Variants in TRPC1 observed in about 807,000 individuals in gnomAD.
TRPC1 encodes transient receptor potential cation channel subfamily C member 1, also known as short transient receptor potential channel 1.
In TRPC1, 42 loss-of-function variants were observed where a neutral mutation model predicts 88.2. The observed-to-expected ratio is 0.48, with a 90% CI of 0.37 to 0.62. The LOEUF (loss-of-function observed/expected upper bound fraction) is 0.62, where lower values mean the gene tolerates loss of function less well. TRPC1 is among the 20% of genes least tolerant of loss of function. The probability of loss-of-function intolerance (pLI) is 0.00; values close to 1 mark genes in which losing one functional copy is unlikely to be tolerated. For missense variants in TRPC1, 699 were observed against 957.3 expected (o/e 0.73, Z 3.56); for synonymous variants, 288 against 331.8 (o/e 0.87, Z 1.43).
intron 9 of TRPC1, among the ~76,000 whole-genome samples, chr3:142,795,201 A>T (rs1936415171): frequency 6.6e-6 from 1 of 152,066 alleles, no homozygotes; most frequent in Non-Finnish European, 1.5e-5. Flanking sequence ...AAATGAAAAG[A>T]GTATCTGTGA....
Position 142,804,514 on chromosome 3 carries a change from C to A in TRPC1, c.2038C>A (p.Pro680Thr). The change falls in exon 12 of 13, where the codon CCA (proline) becomes ACA (threonine). Residue 680 changes from proline to threonine, a missense_variant. Transcript: ENST00000476941. The part of the protein sequence containing the change: ...SYFDDKCTLP[P>T]PFNIIPSPKT... ...CTTTGATGACAAATGTACGTTACCT[C>A]CACCTTTCAACATCATTCCCTCACC... is the stretch of plus-strand genomic sequence containing the variant. 6.2e-7 allele frequency: 1 copy of A among 1,613,818 alleles called. No homozygotes were observed. Among genetic ancestry groups the A allele is most frequent in the Non-Finnish European group, 8.5e-7 (1 of 1,179,852 alleles).
intron 3 of TRPC1, among the ~76,000 whole-genome samples, chr3:142,745,314 A>G (rs1934503245): frequency 6.6e-6 from 1 of 152,106 alleles, no homozygotes; most frequent in South Asian, 2.1e-4. Flanking sequence ...GAGTACTGGA[A>G]CCATTGACTG....
At chr3:142,744,985 G>C (rs551395545) in intron 3 of TRPC1, among the ~76,000 whole-genome samples, 1 of 152,312 alleles carries the variant, frequency 6.6e-6, no homozygotes, top group Admixed American at 6.5e-5. Flanking sequence ...CCATGTTTGA[G>C]AAATGTGAGA....
intron 8 of TRPC1, 50 bp downstream of exon 8, chr3:142,791,208 AAT>A: frequency 1.3e-6 from 2 of 1,513,750 alleles, no homozygotes; most frequent in South Asian, 2.6e-5. Context: ...TTATTTTGGA[AAT>A]AGCTAAGATA....
At chr3:142,731,601 G>A (rs1933917062) in intron 1 of TRPC1, among the ~76,000 whole-genome samples, 1 of 151,482 alleles carries the variant, frequency 6.6e-6, no homozygotes, top group Non-Finnish European at 1.5e-5. Flanking sequence ...AGCCAAGATG[G>A]TCTCCATCTC....
intron 9 of TRPC1, among the ~76,000 whole-genome samples, chr3:142,799,030 T>C (rs1936531859): frequency 6.6e-6 from 1 of 152,130 alleles, no homozygotes; most frequent in Non-Finnish European, 1.5e-5. Context: ...ACCTAACACC[T>C]CAGTATTTTT....
At chr3:142,740,540 G>A (rs1236759247) in intron 2 of TRPC1, among the ~76,000 whole-genome samples, 1 of 152,134 alleles carries the variant, frequency 6.6e-6, no homozygotes, top group Non-Finnish European at 1.5e-5. Flanking sequence ...TCATTCTTAA[G>A]GAAACATCTA....
chr3:142,758,593 G>A (rs1348234196), intron 4 of TRPC1, among the ~76,000 whole-genome samples: 2 of 151,838 alleles, frequency 1.3e-5, no homozygotes, highest in Non-Finnish European at 2.9e-5. Context: ...TCTATGAGTT[G>A]GCTCTTTTGT....
In TRPC1 at chr3:142,724,648, A is replaced by T. The variant is rs1933591802; in HGVS notation, c.89A>T (p.Glu30Val). 6.2e-7 allele frequency: 1 copy of T among 1,612,504 alleles called. No homozygotes were observed. Among genetic ancestry groups the T allele is most frequent in the South Asian group, 1.1e-5 (1 of 91,026 alleles). ...TCTCCATCCTCTTCCTCGCCGAACGAGGTGATGGCGCTGAAGGATGTGCGG... is the reference window on the plus strand; with the variant it reads ...TCTCCATCCTCTTCCTCGCCGAACGTGGTGATGGCGCTGAAGGATGTGCGG... ...PSSPSSSSPNEVMALKDVREV... is the reference protein window; with the variant it reads ...PSSPSSSSPNVVMALKDVREV... The change falls in exon 1 of 13, where the codon GAG becomes GTG. Residue 30 changes from glutamate (E) to valine (V), a missense_variant. Glu to Val is a moderately radical substitution (Grantham distance 121). Around this residue, in one of 4 missense-constraint regions of TRPC1, gnomAD observed 157 missense variants for 127.0 expected, o/e 1.24. Transcript: ENST00000476941. The surrounding 1 kb of genome is among the most constrained non-coding windows in gnomAD (Gnocchi z 5.6).
At chr3:142,791,921 G>T (rs2108141670) in intron 8 of TRPC1, among the ~76,000 whole-genome samples, 1 of 152,112 alleles carries the variant, frequency 6.6e-6, no homozygotes, top group Admixed American at 6.6e-5. Context: ...AACAAATTGT[G>T]TGTTAACTAT....
At position 142,807,529 on chromosome 3, in the gene TRPC1, C is replaced by G. The variant is rs1936830302; in HGVS notation, c.*1294C>G. On this transcript the variant is annotated 3_prime_UTR_variant, in exon 13 of 13. Transcript: ENST00000476941. The stretch of plus-strand genomic sequence containing the variant: ...CTTACGCCACAGGGTGCAGGTAACC[C>G]TTGGTCTGTAAGCACCACCGATCCA... The G allele has an allele frequency of 6.6e-6, 1 of 152,100 alleles. No individual in the cohort carries two copies. The highest frequency in any genetic ancestry group is 2.1e-4 in the South Asian group (1 of 4,824). The allele number at this position is 152,100 out of a possible 1,614,324, so 9.4% of individuals were successfully genotyped here. A position where few individuals can be genotyped will look rare whatever the true frequency, so the allele number is the denominator to read the frequency against.
At chr3:142,757,824 A>T (rs186627781) in intron 4 of TRPC1, among the ~76,000 whole-genome samples, 207 of 152,040 alleles carry the variant, frequency 1.4e-3, no homozygotes, top group African/African-American at 3.5e-3. Context: ...TTAAAAAAAA[A>T]TTTTTTTGTG....
chr3:142,783,850 A>G (rs927228268), intron 6 of TRPC1, among the ~76,000 whole-genome samples: 1 of 152,202 alleles, frequency 6.6e-6, no homozygotes, highest in Admixed American at 6.5e-5. Context: ...TCACATGAGT[A>G]TATATAGAAT....
In TRPC1 at chr3:142,807,824, C is replaced by T. The variant is rs1936839474; in HGVS notation, c.*1589C>T. Reference sequence around the variant, plus strand: ...CATGAGTTGAGTTGCTTCTGAGGTACATTTTGAATGACAGCATATTGTAAG... The same window carrying T: ...CATGAGTTGAGTTGCTTCTGAGGTATATTTTGAATGACAGCATATTGTAAG... On this transcript the variant is annotated 3_prime_UTR_variant, in exon 13 of 13. Transcript: ENST00000476941. The T allele has an allele frequency of 1.3e-5, 2 of 151,660 alleles. No individual in the cohort carries two copies. The highest frequency in any genetic ancestry group is 4.2e-4 in the South Asian group (2 of 4,788). 9.4% of individuals were successfully genotyped at this position (151,660 alleles called of 1,614,324 possible).
intron 5 of TRPC1, among the ~76,000 whole-genome samples, 161 bp downstream of exon 5, chr3:142,777,924 A>AACAG (rs1401294720): frequency 3.3e-5 from 5 of 152,194 alleles, no homozygotes; most frequent in African/African-American, 1.2e-4. Flanking sequence ...CCCTCAAAGG[A>AACAG]ACAGACCCTG....
At chr3:142,759,018 T>C (rs1319065981) in intron 4 of TRPC1, among the ~76,000 whole-genome samples, 1 of 152,182 alleles carries the variant, frequency 6.6e-6, no homozygotes, top group Non-Finnish European at 1.5e-5. Context: ...TCCTTTTTTA[T>C]GGCTGCATAG....
At position 142,736,411 on chromosome 3, in the gene TRPC1, GA is replaced by G; in HGVS notation, c.209del (p.Asn70ThrfsTer6). 1 of 1,609,530 alleles carries G rather than the reference GA, an allele frequency of 6.2e-7. No individual in the cohort carries two copies. The highest frequency in any genetic ancestry group is 1.7e-5 in the Admixed American group (1 of 58,786). ...DYYMVKKILE[E>X]NSSGDLNINC... The stretch of plus-strand genomic sequence containing the variant: ...TTATATGGTTAAAAAGATTTTGGAG[GA>G]AAACAGTTCAGGTGACTTGAACATA... On this transcript the variant is annotated frameshift_variant, in exon 2 of 13. Transcript: ENST00000476941. LOFTEE classifies it high-confidence loss of function.
Position 142,792,937 on chromosome 3 carries a change from T to C in TRPC1, c.1551T>C (p.Tyr517=), listed in dbSNP as rs771961938. The change falls in exon 9 of 13, where the codon TAT becomes TAC. Residue 517 remains tyrosine, a synonymous_variant. Coordinates refer to ENST00000476941, the MANE Select transcript of TRPC1 (RefSeq NM_001251845.2). The surrounding 1 kb of genome is among the most constrained non-coding windows in gnomAD (Gnocchi z 4.0). The part of the protein sequence containing the change: ...VLSYLRLFFM[Y]TTSSILGPLQ... Reference sequence around the variant, plus strand: ...GTTATCTTCGTCTCTTTTTTATGTATACAACCAGCTCTATCTTGGGTCCAT... The same window carrying C: ...GTTATCTTCGTCTCTTTTTTATGTACACAACCAGCTCTATCTTGGGTCCAT... The C allele has an allele frequency of 2.5e-6, 4 of 1,606,822 alleles. No homozygotes were observed. Among genetic ancestry groups the C allele is most frequent in the Non-Finnish European group, 3.4e-6 (4 of 1,176,620 alleles).
At chr3:142,795,177 G>C (rs910580901) in intron 9 of TRPC1, among the ~76,000 whole-genome samples, 1 of 152,022 alleles carries the variant, frequency 6.6e-6, no homozygotes, top group Admixed American at 6.6e-5. Context: ...AAATGGAGAA[G>C]AAAGAATTTT....
Sources: gnomAD v4.1 joint callset for allele counts (sites outside exome capture counted in the v4.1 genomes callset) on GRCh38, gnomAD v4.1.1 for gene constraint, gnomAD v4.1.1 regional missense constraint, Gnocchi (gnomAD v3.1) non-coding constraint, MANE v1.5 for transcripts, NCBI Gene and HGNC (gene_info 2026-07-23, HGNC 2026-07-21) for gene names.